WNK1: variants seen among roughly 807,000 people sequenced by gnomAD.
WNK1 encodes serine/threonine-protein kinase WNK1.
In WNK1, 38 loss-of-function variants were observed where a neutral mutation model predicts 222.8. The ratio of observed to expected loss-of-function variants is 0.17; its 90% CI spans 0.13 to 0.22. The LOEUF is 0.22. WNK1 is among the 10% of genes least tolerant of loss of function. The pLI, the probability that WNK1 is intolerant of heterozygous loss-of-function variation, is 1.00. For synonymous variants in WNK1, 1,090 were observed against 1,092.9 expected (o/e 1.00, Z 0.05); for missense variants, 2,348 against 2,918.4 (o/e 0.80, Z 4.50).
chr12:757,469 G>A (rs1470199407), intron 1 of WNK1, among the ~76,000 whole-genome samples: 2 of 151,700 alleles, frequency 1.3e-5, no homozygotes, highest in Non-Finnish European at 2.9e-5. Context: ...GGGAGTACAG[G>A]CGCACCCCAC....
rs751470822 is a variant in WNK1 at position 879,842 on chromosome 12, A to G, written c.2643A>G (p.Thr881=). 1.7e-5 allele frequency: 28 copies of G among 1,613,930 alleles called. No individual in the cohort carries two copies. The Admixed American group carries it at 3.5e-4, about 20-fold the overall frequency. The change falls in exon 11 of 28, where the codon ACA becomes ACG. Residue 881 remains threonine, a synonymous_variant. Coordinates refer to ENST00000315939, the MANE Select transcript of WNK1 (RefSeq NM_018979.4). ...QPLLTLASSA[T]TAAIPGVSTV... is the part of the protein sequence containing the mutation. Reference sequence around the variant, plus strand: ...TGCTCACGTTGGCTTCATCTGCTACAACAGCTGCGATCCCGGGGGTATCAA... The same window carrying G: ...TGCTCACGTTGGCTTCATCTGCTACGACAGCTGCGATCCCGGGGGTATCAA...
intron 1 of WNK1, among the ~76,000 whole-genome samples, chr12:785,289 C>G (rs1944158695): frequency 6.6e-6 from 1 of 151,978 alleles, no homozygotes; most frequent in Non-Finnish European, 1.5e-5. Flanking sequence ...AATTTACCTT[C>G]TACTCATTTC....
At chr12:818,856 GTTTA>G (rs976950143) in intron 2 of WNK1, among the ~76,000 whole-genome samples, 16 of 152,260 alleles carry the variant, frequency 1.1e-4, no homozygotes, top group African/African-American at 2.6e-4. Flanking sequence ...ATCACAGTTT[GTTTA>G]TTTATCCATT....
At chr12:811,916 G>A (rs1269753738) in intron 1 of WNK1, among the ~76,000 whole-genome samples, 2 of 152,112 alleles carry the variant, frequency 1.3e-5, no homozygotes, top group Non-Finnish European at 2.9e-5. Flanking sequence ...AAAACACTTA[G>A]CTATATAAAG....
At chr12:904,393 A>C (rs1370672010) in intron 26 of WNK1, 2 of 1,260,358 alleles carry the variant, frequency 1.6e-6, no homozygotes, top group African/African-American at 3.1e-5. Context: ...TGGAGATTCT[A>C]AATATTTTAC....
chr12:823,979 T>A (rs1290820519), intron 2 of WNK1, among the ~76,000 whole-genome samples: 2 of 147,662 alleles, frequency 1.4e-5, no homozygotes, highest in African/African-American at 5.0e-5. Context: ...TGATCTCGGC[T>A]AACTGCAACC....
chr12:777,818 A>G (rs1455652831), intron 1 of WNK1, among the ~76,000 whole-genome samples: 5 of 152,352 alleles, frequency 3.3e-5, no homozygotes, highest in African/African-American at 7.2e-5. Context: ...AGGAAACTTT[A>G]CAGTGTTTGA....
At chr12:817,214 G>A (rs188564810) in intron 2 of WNK1, among the ~76,000 whole-genome samples, 3 of 152,316 alleles carry the variant, frequency 2.0e-5, no homozygotes, top group Admixed American at 1.3e-4. Flanking sequence ...GGGTTTCCCT[G>A]TAGTCCTAGC....
intron 1 of WNK1, among the ~76,000 whole-genome samples, chr12:788,016 T>C (rs969494688): frequency 1.3e-5 from 2 of 152,128 alleles, no homozygotes; most frequent in Non-Finnish European, 2.9e-5. Context: ...AGCTGGCCAT[T>C]GGGTTGGGAA....
At position 754,293 on chromosome 12, in the gene WNK1, C is replaced by T; in HGVS notation, c.728C>T (p.Thr243Ile). 1 of 1,613,578 alleles carries T rather than the reference C, an allele frequency of 6.2e-7. No homozygotes were observed. Among genetic ancestry groups the T allele is most frequent in the East Asian group, 2.2e-5 (1 of 44,888 alleles). ...GTCTACAAAGGTCTGGACACTGAAA[C>T]CACCGTGGAAGTCGCCTGGTGTGAA... Reference protein sequence around the residue: ...KTVYKGLDTETTVEVAWCELQ... With the variant: ...KTVYKGLDTEITVEVAWCELQ... Residue 243 changes from threonine to isoleucine, a missense_variant, in exon 1 of 28, where the codon ACC (threonine) becomes ATC (isoleucine). Thr to Ile is a moderately conservative substitution (Grantham distance 89). Transcript: ENST00000315939.
At chr12:819,406 A>G (rs1341074268) in intron 2 of WNK1, among the ~76,000 whole-genome samples, 4 of 152,200 alleles carry the variant, frequency 2.6e-5, no homozygotes, top group Admixed American at 2.6e-4. Context: ...ACTTTGAATT[A>G]TACTTACCAG....
chr12:777,287 G>A (rs1266276578), intron 1 of WNK1, among the ~76,000 whole-genome samples: 1 of 151,520 alleles, frequency 6.6e-6, no homozygotes, highest in African/African-American at 2.4e-5. Flanking sequence ...AGCCTCCTCA[G>A]TAGCTGGGAC....
At chr12:802,403 T>C (rs1945968088) in intron 1 of WNK1, among the ~76,000 whole-genome samples, 1 of 152,234 alleles carries the variant, frequency 6.6e-6, no homozygotes, top group South Asian at 2.1e-4. Flanking sequence ...TTTTTACACG[T>C]ATCACAGTTG....
chr12:767,234 G>GTTTTTTTTTTTTTT lies in WNK1; in HGVS notation c.759+12932_759+12945dup, dbSNP rs71051382. ...TGTGGCAGACTTTCTGGGTTGATAG[G>GTTTTTTTTTTTTTT]TTTTTTTTTTTTTTTTTTTTTTTTT... On this transcript the variant is annotated intron_variant, in intron 1 of 27. Coordinates refer to ENST00000315939, the MANE Select transcript of WNK1 (RefSeq NM_018979.4). 9.9e-5 allele frequency among the ~76,000 whole-genome samples: 7 copies of GTTTTTTTTTTTTTT among 70,890 alleles called. 1 individual carries two copies. Among genetic ancestry groups the GTTTTTTTTTTTTTT allele is most frequent in the African/African-American group, 4.4e-4 (7 of 15,768 alleles). 46.5% of individuals were successfully genotyped at this position (70,890 alleles called of 152,430 possible). A position where few individuals can be genotyped will look rare whatever the true frequency, so the allele number is the denominator to read the frequency against.
chr12:898,642 C>T (rs1592238156), intron 25 of WNK1, among the ~76,000 whole-genome samples: 1 of 152,128 alleles, frequency 6.6e-6, no homozygotes, highest in Non-Finnish European at 1.5e-5. Flanking sequence ...GATCATAGCA[C>T]ACAACACAAC....
In WNK1 at chr12:910,627, T is replaced by C. The variant is rs1237645169; in HGVS notation, c.*1835T>C. The C allele has an allele frequency of 1.3e-5, 2 of 152,230 alleles. No individual in the cohort carries two copies. Among genetic ancestry groups the C allele is most frequent in the African/African-American group, 4.8e-5 (2 of 41,458 alleles). 9.4% of individuals were successfully genotyped at this position (152,230 alleles called of 1,614,324 possible). On this transcript the variant is annotated 3_prime_UTR_variant, in exon 28 of 28. Transcript: ENST00000315939. The stretch of plus-strand genomic sequence containing the variant: ...AGGACTCTTAATTTTGGGGTGCTTC[T>C]TGACTCTTAGTTGGGAAACTGAAAA...
At chr12:769,795 C>G (rs1942250896) in intron 1 of WNK1, among the ~76,000 whole-genome samples, 1 of 152,128 alleles carries the variant, frequency 6.6e-6, no homozygotes, top group East Asian at 1.9e-4. Context: ...TTCTGTAGGC[C>G]TAGAAGTCCA....
At chr12:760,725 G>C (rs1940898819) in intron 1 of WNK1, among the ~76,000 whole-genome samples, 1 of 146,982 alleles carries the variant, frequency 6.8e-6, no homozygotes, top group Non-Finnish European at 1.5e-5. Context: ...AGATGATTAT[G>C]CCTTTGACAG....
At chr12:762,532 T>C (rs181530719) in intron 1 of WNK1, among the ~76,000 whole-genome samples, 27 of 147,764 alleles carry the variant, frequency 1.8e-4, no homozygotes, top group African/African-American at 6.5e-4. Context: ...GCAGAACATG[T>C]GGATATGGAA....
Sources: allele counts gnomAD v4.1 joint callset (sites outside exome capture counted in the v4.1 genomes callset), GRCh38; gene constraint gnomAD v4.1.1; transcripts MANE v1.5; gene names NCBI Gene and HGNC (gene_info 2026-07-23, HGNC 2026-07-21).